The following MACROD2 variants were observed in gnomAD, a reference collection of about 807,000 sequenced individuals.
The protein encoded by MACROD2 is mono-ADP ribosylhydrolase 2.
MACROD2 carries 36 observed loss-of-function variants against 70.4 expected under a neutral mutation model. That is an observed-to-expected ratio of 0.51 (90% CI 0.39 to 0.68). The LOEUF is 0.68. MACROD2 is among the 30% of genes least tolerant of loss of function. The probability of loss-of-function intolerance (pLI) is 0.00; values close to 1 mark genes in which losing one functional copy is unlikely to be tolerated. For synonymous variants in MACROD2, 172 were observed against 178.8 expected, an observed-to-expected ratio of 0.96 and a Z score of 0.30; for missense variants, 496 against 538.4, an observed-to-expected ratio of 0.92 and a Z score of 0.78.
intron 5 of MACROD2, among the ~76,000 whole-genome samples, chr20:15,172,113 A>T (rs943606013): frequency 1.3e-5 from 2 of 152,218 alleles, no homozygotes; most frequent in Non-Finnish European, 2.9e-5. Flanking sequence ...GAGATCAATC[A>T]TAGGAGTCAG....
chr20:15,236,950 A>T (rs175300), intron 6 of MACROD2, among the ~76,000 whole-genome samples: 41,884 of 151,884 alleles, frequency 0.28, 5,956 homozygotes, highest in African/African-American at 0.32. Context: ...AGTGGTTCTC[A>T]GTGGGTGTAG....
At position 15,021,290 on chromosome 20, in the gene MACROD2, G is replaced by GTATATATACACATA. The variant is rs1216871186; in HGVS notation, c.419-208649_419-208648insATATATACACATAT. 2.8e-4 allele frequency among the ~76,000 whole-genome samples: 39 copies of GTATATATACACATA among 136,890 alleles called. 3 individuals carry two copies. Among genetic ancestry groups the GTATATATACACATA allele is most frequent in the African/African-American group, 1.1e-3 (39 of 36,822 alleles). 89.8% of individuals were successfully genotyped at this position (136,890 alleles called of 152,430 possible). On this transcript the variant is annotated intron_variant, in intron 5 of 17. Transcript: ENST00000684519. ...TGTGTGTGTATACGCACACCTGTGT[G>GTATATATACACATA]TGTGTATATGCACATATACATATAC...
chr20:14,257,829 C>G (rs1045444115), intron 3 of MACROD2, among the ~76,000 whole-genome samples: 2 of 152,090 alleles, frequency 1.3e-5, no homozygotes, highest in African/African-American at 2.4e-5. Flanking sequence ...TTTTGGTGCA[C>G]GCATCATCTG....
intron 8 of MACROD2, among the ~76,000 whole-genome samples, chr20:15,516,297 CA>C (rs888614776): frequency 1.3e-5 from 2 of 151,610 alleles, no homozygotes; most frequent in East Asian, 1.9e-4. Context: ...ATATGCCCTT[CA>C]AAAAAAATGT....
intron 5 of MACROD2, among the ~76,000 whole-genome samples, chr20:14,786,217 A>AGAGAGAGAGAGAGAGG (rs1370967874): frequency 7.2e-6 from 1 of 139,286 alleles, no homozygotes; most frequent in Non-Finnish European, 1.5e-5. Context: ...AGAGAGAGAG[A>AGAGAGAGAGAGAGAGG]GAGAGAGAGA....
chr20:15,673,941 T>C (rs2050018826), intron 8 of MACROD2, among the ~76,000 whole-genome samples: 1 of 152,218 alleles, frequency 6.6e-6, no homozygotes, highest in African/African-American at 2.4e-5. Context: ...TTTTAAATTG[T>C]ATTAATTTGA....
chr20:15,376,812 A>G (rs549020673), intron 6 of MACROD2, among the ~76,000 whole-genome samples: 2 of 152,344 alleles, frequency 1.3e-5, no homozygotes, highest in South Asian at 2.1e-4. Flanking sequence ...CAAAAATTCA[A>G]ATGATCTGAC....
intron 5 of MACROD2, chr20:14,895,040 G>A (rs1416504291): frequency 6.6e-6 from 1 of 152,160 alleles, no homozygotes; most frequent in Non-Finnish European, 1.5e-5. Context: ...AGAATGAATA[G>A]AAGAAGATTT....
intron 5 of MACROD2, among the ~76,000 whole-genome samples, chr20:15,175,800 T>C (rs1257626430): frequency 1.3e-5 from 2 of 152,204 alleles, no homozygotes; most frequent in African/African-American, 2.4e-5. Context: ...GGTGCAACCA[T>C]GGCTGTGTGC....
At chr20:14,776,493 C>T (rs766216812) in intron 5 of MACROD2, among the ~76,000 whole-genome samples, 4 of 152,082 alleles carry the variant, frequency 2.6e-5, no homozygotes, top group Middle Eastern at 3.4e-3. Flanking sequence ...GTCATAATCA[C>T]AATAATGCCC....
intron 5 of MACROD2, among the ~76,000 whole-genome samples, chr20:15,143,854 G>A (rs1412283592): frequency 1.3e-5 from 2 of 150,824 alleles, no homozygotes; most frequent in African/African-American, 4.9e-5. Context: ...TAGAGAAGGG[G>A]TGTTCAATCT....
intron 10 of MACROD2, among the ~76,000 whole-genome samples, chr20:15,911,007 CT>C (rs1278940487): frequency 6.6e-6 from 1 of 152,218 alleles, no homozygotes; most frequent in East Asian, 1.9e-4. Context: ...ACTAACTGCT[CT>C]CTCATCAACC....
At chr20:15,565,907 G>C (rs994873920) in intron 8 of MACROD2, among the ~76,000 whole-genome samples, 1 of 152,074 alleles carries the variant, frequency 6.6e-6, no homozygotes, top group African/African-American at 2.4e-5. Context: ...AGCCACACTG[G>C]GTTTGCAGTT....
chr20:15,740,500 T>A (rs2051088229), intron 8 of MACROD2, among the ~76,000 whole-genome samples: 1 of 152,122 alleles, frequency 6.6e-6, no homozygotes, highest in South Asian at 2.1e-4. Flanking sequence ...GAAGAAACAC[T>A]GCCATCCTGA....
chr20:14,384,327 A>G (rs1317691188), intron 3 of MACROD2, among the ~76,000 whole-genome samples: 1 of 152,170 alleles, frequency 6.6e-6, no homozygotes, highest in Non-Finnish European at 1.5e-5. Context: ...TCACGTGACT[A>G]ATATTGGGAA....
intron 8 of MACROD2, among the ~76,000 whole-genome samples, chr20:15,541,860 C>T (rs1370010041): frequency 1.3e-5 from 2 of 152,114 alleles, no homozygotes; most frequent in African/African-American, 2.4e-5. Context: ...AGCATACAGG[C>T]GCTCATATAA....
intron 13 of MACROD2, among the ~76,000 whole-genome samples, chr20:15,980,842 G>A (rs1261360611): frequency 6.6e-6 from 1 of 152,166 alleles, no homozygotes; most frequent in Non-Finnish European, 1.5e-5. Context: ...TGCCGGGCCA[G>A]AATAGTAAAG....
At chr20:14,571,339 A>G (rs548823958) in intron 4 of MACROD2, among the ~76,000 whole-genome samples, 5 of 152,166 alleles carry the variant, frequency 3.3e-5, no homozygotes, top group African/African-American at 4.8e-5. Flanking sequence ...AGCACCTGTA[A>G]TTGTACTGCT....
chr20:14,731,271 A>T (rs1014110090), intron 5 of MACROD2, among the ~76,000 whole-genome samples: 2 of 152,162 alleles, frequency 1.3e-5, no homozygotes, highest in Admixed American at 1.3e-4. Context: ...GCCTGTCCTG[A>T]GTTCATGCTG....
Sources: gnomAD v4.1 joint callset for allele counts (sites outside exome capture counted in the v4.1 genomes callset) on GRCh38, gnomAD v4.1.1 for gene constraint, MANE v1.5 for transcripts, NCBI Gene and HGNC (gene_info 2026-07-23, HGNC 2026-07-21) for gene names.